The following SAMTOR variants were observed in gnomAD, a reference collection of about 807,000 sequenced individuals.
The protein encoded by SAMTOR is S-adenosylmethionine sensor upstream of mTORC1, also known as UPF0532 protein C7orf60.
the SAMTOR span, among the ~76,000 whole-genome samples, chr7:112,922,897 C>G: frequency 5.5e-4 from 79 of 142,602 alleles, 1 homozygote; most frequent in African/African-American, 1.5e-3. Context: ...CAGCCCCCCC[C>G]CCCCGGGCCA....
At chr7:112,824,061 C>CTCTA in the SAMTOR span, among the ~76,000 whole-genome samples, 1 of 151,524 alleles carries the variant, frequency 6.6e-6, no homozygotes, top group Non-Finnish European at 1.5e-5. Flanking sequence ...TTTGAGAGTT[C>CTCTA]TTTATTCTTG....
the SAMTOR span, among the ~76,000 whole-genome samples, chr7:112,823,955 G>A: frequency 7.2e-5 from 11 of 152,258 alleles, no homozygotes; most frequent in African/African-American, 2.6e-4. Context: ...TTGCCATCCA[G>A]ATATCTTCTA....
At chr7:112,882,203 C>A in the SAMTOR span, among the ~76,000 whole-genome samples, 1 of 152,194 alleles carries the variant, frequency 6.6e-6, no homozygotes, top group Non-Finnish European at 1.5e-5. Flanking sequence ...ACTCACACAC[C>A]CCTTGCCACT....
the SAMTOR span, among the ~76,000 whole-genome samples, chr7:112,935,831 A>G: frequency 6.6e-6 from 1 of 152,212 alleles, no homozygotes; most frequent in African/African-American, 2.4e-5. Context: ...TTAGAAAGAG[A>G]AATGCCAGGC....
chr7:112,822,168 T>A, the SAMTOR span: 1 of 1,613,854 alleles, frequency 6.2e-7, no homozygotes, highest in Non-Finnish European at 8.5e-7. Context: ...CACTAACAGT[T>A]CATGGGCTTT....
At chr7:112,841,292 C>A in the SAMTOR span, among the ~76,000 whole-genome samples, 1 of 152,046 alleles carries the variant, frequency 6.6e-6, no homozygotes, top group African/African-American at 2.4e-5. Context: ...CAATAATAGA[C>A]AAACAGAAAG....
the SAMTOR span, among the ~76,000 whole-genome samples, chr7:112,898,457 G>C: frequency 6.6e-6 from 1 of 152,160 alleles, no homozygotes; most frequent in Non-Finnish European, 1.5e-5. Flanking sequence ...CCAGGTACCA[G>C]CCCAGCCACA....
the SAMTOR span, among the ~76,000 whole-genome samples, chr7:112,862,105 A>AT: frequency 6.6e-6 from 1 of 152,156 alleles, no homozygotes; most frequent in Non-Finnish European, 1.5e-5. Flanking sequence ...AAAATAAAAA[A>AT]TTAGGTGGGC....
At chr7:112,864,456 C>T in the SAMTOR span, among the ~76,000 whole-genome samples, 1 of 152,142 alleles carries the variant, frequency 6.6e-6, no homozygotes, top group African/African-American at 2.4e-5. Context: ...TGATAGGATA[C>T]TGTGAATTCT....
the SAMTOR span, among the ~76,000 whole-genome samples, chr7:112,823,320 T>G: frequency 6.6e-6 from 1 of 152,204 alleles, no homozygotes; most frequent in Non-Finnish European, 1.5e-5. Flanking sequence ...TTTACACTCA[T>G]GAAACCACTG....
the SAMTOR span, among the ~76,000 whole-genome samples, chr7:112,932,811 G>A: frequency 1.3e-5 from 2 of 152,178 alleles, no homozygotes; most frequent in East Asian, 3.8e-4. Flanking sequence ...TAAAAACCCA[G>A]ATCTTTGTTT....
At chr7:112,922,681 G>A in the SAMTOR span, among the ~76,000 whole-genome samples, 3 of 151,174 alleles carry the variant, frequency 2.0e-5, no homozygotes, top group Admixed American at 6.6e-5. Flanking sequence ...GTCTCTGCCC[G>A]GCCGCCCCGT....
At chr7:112,852,903 C>T in the SAMTOR span, among the ~76,000 whole-genome samples, 1 of 151,894 alleles carries the variant, frequency 6.6e-6, no homozygotes, top group African/African-American at 2.4e-5. Flanking sequence ...ACTGCCTCAA[C>T]ATGGAATCAA....
chr7:112,916,732 T>C, the SAMTOR span, among the ~76,000 whole-genome samples: 2 of 152,102 alleles, frequency 1.3e-5, no homozygotes, highest in African/African-American at 2.4e-5. Context: ...ATCGGGTCAC[T>C]CCCACCCTAA....
the SAMTOR span, among the ~76,000 whole-genome samples, chr7:112,892,232 C>T: frequency 2.6e-5 from 4 of 152,202 alleles, no homozygotes; most frequent in African/African-American, 9.6e-5. Context: ...GTCCCATCTT[C>T]AGGCTCCACT....
At chr7:112,869,903 G>A in the SAMTOR span, among the ~76,000 whole-genome samples, 14 of 152,064 alleles carry the variant, frequency 9.2e-5, no homozygotes, top group African/African-American at 3.1e-4. Flanking sequence ...ATTCACTAGA[G>A]GAATTTCAAA....
the SAMTOR span, among the ~76,000 whole-genome samples, chr7:112,910,819 A>C: frequency 6.6e-6 from 1 of 152,222 alleles, no homozygotes; most frequent in Non-Finnish European, 1.5e-5. Context: ...AAACAATCAG[A>C]TAATCCTGCA....
chr7:112,886,567 T>C, the SAMTOR span, among the ~76,000 whole-genome samples: 13 of 152,346 alleles, frequency 8.5e-5, 1 homozygote, highest in East Asian at 2.3e-3. Context: ...AGATTCTTTC[T>C]ACCATACTGT....
chr7:112,865,387 C>T, the SAMTOR span, among the ~76,000 whole-genome samples: 6 of 152,148 alleles, frequency 3.9e-5, no homozygotes, highest in African/African-American at 7.2e-5. Context: ...AAGGGATTCT[C>T]GTGCCTCAGC....
Sources: gnomAD v4.1 joint callset for allele counts (sites outside exome capture counted in the v4.1 genomes callset) on GRCh38, gnomAD v4.1.1 for gene constraint, MANE v1.5 for transcripts, NCBI Gene and HGNC (gene_info 2026-07-23, HGNC 2026-07-21) for gene names.